Variants in ANKRD28 observed in about 807,000 individuals in gnomAD.
ANKRD28 encodes serine/threonine-protein phosphatase 6 regulatory ankyrin repeat subunit A.
ANKRD28 carries 44 observed loss-of-function variants against 126.5 expected under a neutral mutation model. The ratio of observed to expected loss-of-function variants is 0.35; its 90% CI spans 0.27 to 0.45. The LOEUF is 0.45. Among genes scored for constraint, ANKRD28 ranks in the 20% least tolerant of loss-of-function variants. The pLI is 1.00. For missense variants in ANKRD28, 1,110 were observed against 1,316.6 expected (o/e 0.84, Z 2.43); for synonymous variants, 442 against 468.5 (o/e 0.94, Z 0.73).
At position 15,690,132 on chromosome 3, in the gene ANKRD28, A is replaced by T; in HGVS notation, c.1850T>A (p.Leu617Gln). 6.2e-7 allele frequency: 1 copy of T among 1,610,682 alleles called. No individual in the cohort carries two copies. The highest frequency in any genetic ancestry group is 8.5e-7 in the Non-Finnish European group (1 of 1,178,328). The change falls in exon 18 of 28, where the codon CTA becomes CAA. Residue 617 changes from leucine (L) to glutamine (Q), a missense_variant. Transcript: ENST00000683139. ...DVRNSSGRTP[L>Q]DLAAFKGHVE... The stretch of plus-strand genomic sequence containing the variant: ...ATGGCCCTTAAAAGCTGCAAGATCT[A>T]GGGGTGTTCTTCCACTACTATTTCT...
At chr3:15,831,920 T>G (rs2061201759) in intron 1 of ANKRD28, among the ~76,000 whole-genome samples, 1 of 152,194 alleles carries the variant, frequency 6.6e-6, no homozygotes, top group Non-Finnish European at 1.5e-5. Context: ...GATAGACTAG[T>G]TTTCTTCAAC....
At chr3:15,676,081 T>C (rs2066906130) in intron 26 of ANKRD28, 92 bp from the exon 27 acceptor site, 10 of 1,032,086 alleles carry the variant, frequency 9.7e-6, no homozygotes, top group Non-Finnish European at 1.4e-5. Context: ...TTTTGTCAAC[T>C]TGTGAAGACC....
upstream of ANKRD28, among the ~76,000 whole-genome samples, chr3:15,802,499 G>A (rs180803586): frequency 6.6e-6 from 1 of 152,140 alleles, no homozygotes; most frequent in South Asian, 2.1e-4. Flanking sequence ...ATCTATGAGT[G>A]GACATATATC....
At chr3:15,744,008 C>T (rs1452149781) in intron 4 of ANKRD28, among the ~76,000 whole-genome samples, 1 of 152,198 alleles carries the variant, frequency 6.6e-6, no homozygotes, top group African/African-American at 2.4e-5. Flanking sequence ...AAACCAAAAG[C>T]CACCTACAGG....
chr3:15,822,908 A>C (rs2060975841), intron 1 of ANKRD28, among the ~76,000 whole-genome samples: 1 of 152,230 alleles, frequency 6.6e-6, no homozygotes, highest in Admixed American at 6.5e-5. Context: ...TTACTAAAAT[A>C]AAAAACAAAA....
chr3:15,683,474 T>C (rs2067760066), intron 21 of ANKRD28, among the ~76,000 whole-genome samples: 1 of 152,206 alleles, frequency 6.6e-6, no homozygotes, highest in Admixed American at 6.5e-5. Flanking sequence ...AAAAGAGAAG[T>C]TAAACCCCAA....
chr3:15,713,290 T>C (rs1049445799), intron 10 of ANKRD28, among the ~76,000 whole-genome samples: 1 of 152,192 alleles, frequency 6.6e-6, no homozygotes. Context: ...CAAAACTGCG[T>C]TATTACTCAA....
At chr3:15,784,650 C>G (rs2059691790) in intron 2 of ANKRD28, among the ~76,000 whole-genome samples, 1 of 151,544 alleles carries the variant, frequency 6.6e-6, no homozygotes, top group South Asian at 2.1e-4. Flanking sequence ...AAACAGTAAT[C>G]CACCTATAAC....
chr3:15,837,015 G>C (rs2061340412), intron 1 of ANKRD28, among the ~76,000 whole-genome samples: 1 of 149,418 alleles, frequency 6.7e-6, no homozygotes, highest in Non-Finnish European at 1.5e-5. Flanking sequence ...CAGGAGAATG[G>C]CCCGAACCCA....
upstream of ANKRD28, chr3:15,798,328 T>G (rs112007041): frequency 4.5e-5 from 9 of 201,804 alleles, no homozygotes; most frequent in African/African-American, 1.9e-4. Context: ...GGAGAAATAT[T>G]TTATTAGATT....
chr3:15,833,851 T>C lies in ANKRD28; in HGVS notation c.27+25526A>G, dbSNP rs1047953531. 7.2e-5 allele frequency among the ~76,000 whole-genome samples: 11 copies of C among 152,258 alleles called. No homozygotes were observed. The highest frequency in any genetic ancestry group is 2.6e-4 in the African/African-American group (11 of 41,556). On this transcript the variant is annotated intron_variant, in intron 1 of 27. Transcript: ENST00000399451. The surrounding 1 kb of genome is among the most constrained non-coding windows in gnomAD (Gnocchi z 4.4). The stretch of plus-strand genomic sequence containing the variant: ...GTATTTCTTTTATGACTAATGATGT[T>C]GAGGATTTTTTCATGTTTTTTGGCC...
At position 15,728,319 on chromosome 3, in the gene ANKRD28, G is replaced by A. The variant is rs530689056; in HGVS notation, c.641-3795C>T. On this transcript the variant is annotated intron_variant, in intron 6 of 27. Transcript: ENST00000683139. ...AATTAATTAATTATTTTTAGAAACG[G>A]GGTCTTGCTCTGTCACCCTGGCTGA... is the stretch of plus-strand genomic sequence containing the variant. 1.1e-4 allele frequency among the ~76,000 whole-genome samples: 17 copies of A among 152,134 alleles called. No homozygotes were observed. In the East Asian group the frequency reaches 3.1e-3, roughly 28 times the overall value.
rs1029285676 is a variant in ANKRD28, at chr3:15,669,414, G to A, written c.*856C>T. On this transcript the variant is annotated 3_prime_UTR_variant, in exon 28 of 28. Transcript: ENST00000683139. ...TTTGATTTCATGAATTTTTTTCTAG[G>A]AAATTCTTTACATTTTCAAACAAAA... 6.6e-6 allele frequency: 1 copy of A among 151,888 alleles called. No homozygotes were observed. The highest frequency in any genetic ancestry group is 2.4e-5 in the African/African-American group (1 of 41,328). 9.4% of individuals were successfully genotyped at this position (151,888 alleles called of 1,614,324 possible).
intron 2 of ANKRD28, among the ~76,000 whole-genome samples, chr3:15,768,050 C>A (rs1423214472): frequency 6.6e-6 from 1 of 152,132 alleles, no homozygotes; most frequent in Non-Finnish European, 1.5e-5. Context: ...GCAACAAGAT[C>A]TGGAATAAAT....
At position 15,850,259 on chromosome 3, in the gene ANKRD28, A is replaced by AGAGAGAGAGAGAGG. The variant is rs1370551633; in HGVS notation, c.27+9117_27+9118insCCTCTCTCTCTCTC. Among the ~76,000 whole-genome samples the AGAGAGAGAGAGAGG allele has an allele frequency of 4.8e-4, 56 of 115,780 alleles. 1 individual carries two copies. Among genetic ancestry groups the AGAGAGAGAGAGAGG allele is most frequent in the Admixed American group, 1.7e-3 (20 of 11,714 alleles). 76.0% of individuals were successfully genotyped at this position (115,780 alleles called of 152,430 possible). ...GAGAGAGAGAGAGAGAGAGAGAGAG[A>AGAGAGAGAGAGAGG]GAGAAAGTTGAAATCCTACCTCATA... is the stretch of plus-strand genomic sequence containing the variant. On this transcript the variant is annotated intron_variant, in intron 1 of 27. Coordinates refer to the ANKRD28 transcript ENST00000399451.
At chr3:15,716,457 A>G (rs1242057055) in intron 8 of ANKRD28, among the ~76,000 whole-genome samples, 2 of 151,626 alleles carry the variant, frequency 1.3e-5, no homozygotes, top group Non-Finnish European at 2.9e-5. Flanking sequence ...ACACCTGGCT[A>G]ATTTATTTTT....
At chr3:15,852,565 G>A (rs2061675679) in intron 1 of ANKRD28, among the ~76,000 whole-genome samples, 1 of 152,170 alleles carries the variant, frequency 6.6e-6, no homozygotes, top group South Asian at 2.1e-4. Context: ...CGGGCATGGT[G>A]GCTCACGCCT....
chr3:15,859,208 G>A (rs2061849136), intron 1 of ANKRD28, among the ~76,000 whole-genome samples: 1 of 152,202 alleles, frequency 6.6e-6, no homozygotes. Context: ...TGACAGGCGG[G>A]TCGCCCGCGG....
exon 1 of ANKRD28, chr3:15,859,442 C>CTG (rs1169210492): frequency 6.7e-7 from 1 of 1,500,242 alleles, no homozygotes; most frequent in South Asian, 1.2e-5. Context: ...TCCTCCTCCT[C>CTG]CGCCGCTGCC....
Sources: allele counts gnomAD v4.1 joint callset (sites outside exome capture counted in the v4.1 genomes callset), GRCh38; gene constraint gnomAD v4.1.1; non-coding constraint Gnocchi (gnomAD v3.1); transcripts MANE v1.5; gene names NCBI Gene and HGNC (gene_info 2026-07-23, HGNC 2026-07-21).